Variants in DMD observed in about 807,000 individuals in gnomAD.
DMD encodes the protein mutant dystrophin.
DMD carries 63 observed loss-of-function variants against 330.1 expected under a neutral mutation model. The observed-to-expected ratio is 0.19, with a 90% CI of 0.16 to 0.24. The LOEUF (loss-of-function observed/expected upper bound fraction) is 0.24. Ranked by LOEUF, DMD falls within the 10% of genes least tolerant of loss-of-function variation. DMD has a pLI of 1.00. For missense variants in DMD, 3,344 were observed against 2,684.1 expected (o/e 1.25, Z -5.43); for synonymous variants, 1,223 against 959.8 (o/e 1.27, Z -5.07).
chrX:32,045,900 G>T (rs912907528), intron 44 of DMD, among the ~76,000 whole-genome samples: 21 of 112,317 alleles, frequency 1.9e-4, no homozygotes, highest in African/African-American at 6.5e-4. Context: ...AAAATTATTG[G>T]CAATTGATGA....
upstream of DMD, among the ~76,000 whole-genome samples, chrX:33,214,517 A>T (rs771861019): frequency 3.7e-4 from 41 of 111,719 alleles, no homozygotes; most frequent in African/African-American, 1.1e-3. Flanking sequence ...TTTTTTACAC[A>T]GTGCTTTGTG....
chrX:32,165,831 C>T (rs1458835305), intron 44 of DMD, among the ~76,000 whole-genome samples: 2 of 110,897 alleles, frequency 1.8e-5, no homozygotes, highest in East Asian at 5.7e-4. Context: ...GGGTTGGCTT[C>T]CCCCATGCTG....
chrX:31,476,542 T>C (rs1027430567), intron 59 of DMD, among the ~76,000 whole-genome samples: 1 of 107,269 alleles, frequency 9.3e-6, no homozygotes, highest in Non-Finnish European at 1.9e-5. Flanking sequence ...GTGTATTAAA[T>C]GGTCTGGAGA....
At chrX:31,752,523 C>G in intron 51 of DMD, among the ~76,000 whole-genome samples, 1 of 110,602 alleles carries the variant, frequency 9.0e-6, no homozygotes, top group Middle Eastern at 4.6e-3. Context: ...GTCTCTTTCA[C>G]CCTGTAACCA....
chrX:32,938,222 C>T (rs1428984040), intron 2 of DMD, among the ~76,000 whole-genome samples: 2 of 111,377 alleles, frequency 1.8e-5, no homozygotes, highest in Non-Finnish European at 3.8e-5. Context: ...TCTAAGATGC[C>T]TTGCTGATAA....
intron 60 of DMD, among the ~76,000 whole-genome samples, chrX:31,387,317 G>A (rs752449904): frequency 3.8e-4 from 43 of 112,090 alleles, no homozygotes; most frequent in Admixed American, 9.4e-4. Flanking sequence ...TTAAATAGCT[G>A]TGTCATCTTG....
At chrX:32,155,575 G>T in intron 44 of DMD, 1 of 275,573 alleles carries the variant, frequency 3.6e-6, no homozygotes, top group Non-Finnish European at 5.0e-6. Flanking sequence ...TCATGGATTG[G>T]ACTCAATTTC....
At position 32,730,934 on chromosome X, in the gene DMD, C is replaced by A. The variant is rs759214111; in HGVS notation, c.650-31641G>T. ...CAAGATGGCCGAATAGGAACAGCTC[C>A]GGTCTACAGCTCCCAGAGTGAGCGA... On this transcript the variant is annotated intron_variant, in intron 7 of 78. Coordinates refer to ENST00000357033, the MANE Select transcript of DMD (RefSeq NM_004006.3). Among the ~76,000 whole-genome samples the A allele has an allele frequency of 5.9e-4, 66 of 111,710 alleles. 1 individual carries two copies. The highest frequency in any genetic ancestry group is 1.0e-3 in the African/African-American group (31 of 30,752).
intron 1 of DMD, among the ~76,000 whole-genome samples, chrX:33,073,005 G>T (rs1253704340): frequency 8.9e-6 from 1 of 112,000 alleles, no homozygotes; most frequent in Non-Finnish European, 1.9e-5. Flanking sequence ...AGCAAAAGAT[G>T]TTCAATTCAG....
chrX:32,132,676 C>T (rs2096702340), intron 44 of DMD, among the ~76,000 whole-genome samples: 1 of 110,978 alleles, frequency 9.0e-6, no homozygotes, highest in African/African-American at 3.3e-5. Flanking sequence ...ACAAATAATA[C>T]GTGGACCTGC....
intron 26 of DMD, among the ~76,000 whole-genome samples, chrX:32,449,236 T>C (rs2098318767): frequency 9.0e-6 from 1 of 110,711 alleles, no homozygotes; most frequent in Non-Finnish European, 1.9e-5. Flanking sequence ...CTTGGTCTTC[T>C]CAAGTGGAAA....
chrX:31,398,627 T>C (rs900572693), intron 60 of DMD, among the ~76,000 whole-genome samples: 1 of 111,782 alleles, frequency 8.9e-6, no homozygotes, highest in African/African-American at 3.3e-5. Flanking sequence ...GATCAGTGAA[T>C]TGGAGCCACA....
chrX:33,001,512 C>T (rs1216816362), intron 2 of DMD, among the ~76,000 whole-genome samples: 3 of 111,105 alleles, frequency 2.7e-5, no homozygotes, highest in African/African-American at 9.9e-5. Flanking sequence ...CCTCCATTTC[C>T]CATTATTATT....
chrX:33,042,906 T>G (rs2094324336), intron 1 of DMD, among the ~76,000 whole-genome samples: 1 of 111,747 alleles, frequency 8.9e-6, no homozygotes, highest in Non-Finnish European at 1.9e-5. Context: ...CATTCAGGAC[T>G]CAGGCAGACA....
chrX:32,901,706 ATAT>A (rs1340525296), intron 2 of DMD, among the ~76,000 whole-genome samples: 1 of 111,125 alleles, frequency 9.0e-6, no homozygotes, highest in Non-Finnish European at 1.9e-5. Flanking sequence ...ACTACTAATA[ATAT>A]TATAGGAAAA....
chrX:32,049,251 C>T (rs1395048542), intron 44 of DMD, among the ~76,000 whole-genome samples: 1 of 111,192 alleles, frequency 9.0e-6, no homozygotes, highest in Non-Finnish European at 1.9e-5. Flanking sequence ...CTGACTCGTA[C>T]ATTTGTAATA....
chrX:31,549,954 G>A (rs991959541), intron 55 of DMD, among the ~76,000 whole-genome samples: 2 of 112,349 alleles, frequency 1.8e-5, no homozygotes, highest in African/African-American at 6.5e-5. Context: ...CCACACCATA[G>A]GTTAAGTTTG....
intron 41 of DMD, among the ~76,000 whole-genome samples, chrX:32,332,993 T>C (rs1238292630): frequency 1.8e-5 from 2 of 111,237 alleles, no homozygotes; most frequent in South Asian, 3.8e-4. Flanking sequence ...GACTGAGCAC[T>C]GAGGCATTTC....
chrX:31,706,687 G>A (rs2084220162), intron 52 of DMD, among the ~76,000 whole-genome samples: 1 of 112,084 alleles, frequency 8.9e-6, no homozygotes, highest in African/African-American at 3.2e-5. Flanking sequence ...GTTAGTCACT[G>A]TAGGCAGAAC....
Sources: allele counts gnomAD v4.1 joint callset (sites outside exome capture counted in the v4.1 genomes callset), GRCh38; gene constraint gnomAD v4.1.1; transcripts MANE v1.5; gene names NCBI Gene and HGNC (gene_info 2026-07-23, HGNC 2026-07-21).